The following AP3B1 variants were observed in gnomAD, a reference collection of about 807,000 sequenced individuals.
AP3B1 encodes AP-3 complex subunit beta-1.
In AP3B1, 61 loss-of-function variants were observed where a neutral mutation model predicts 132.5. The observed-to-expected ratio is 0.46, with a 90% CI of 0.37 to 0.57. The LOEUF is 0.57. Ranked by LOEUF, AP3B1 falls within the 20% of genes least tolerant of loss-of-function variation. The pLI is 0.00. For missense variants in AP3B1, 1,120 were observed against 1,289.4 expected (o/e 0.87, Z 2.01); for synonymous variants, 388 against 438.3 (o/e 0.89, Z 1.43).
At chr5:78,032,676 C>G (rs1247754839) in intron 24 of AP3B1, among the ~76,000 whole-genome samples, 1 of 151,594 alleles carries the variant, frequency 6.6e-6, no homozygotes, top group Non-Finnish European at 1.5e-5. Context: ...ACAAAGTGCT[C>G]TTTTTGGAAC....
chr5:78,051,158 TGA>T (rs1748565045), intron 22 of AP3B1, among the ~76,000 whole-genome samples: 1 of 152,140 alleles, frequency 6.6e-6, no homozygotes, highest in African/African-American at 2.4e-5. Context: ...AAGCGTGGAA[TGA>T]GAGTGCACAT....
intron 20 of AP3B1, 36 bp from the exon 21 acceptor site, chr5:78,101,061 C>A: frequency 7.6e-7 from 1 of 1,311,916 alleles, no homozygotes; most frequent in South Asian, 1.3e-5. Flanking sequence ...ATCACACGTT[C>A]TGTTTTAAAA....
intron 7 of AP3B1, among the ~76,000 whole-genome samples, chr5:78,209,494 C>A (rs1329224613): frequency 3.3e-5 from 5 of 152,114 alleles, no homozygotes; most frequent in African/African-American, 1.2e-4. Context: ...CCATCTATGA[C>A]CTAGAAGCCC....
At chr5:78,068,216 G>A (rs1030471323) in intron 22 of AP3B1, among the ~76,000 whole-genome samples, 14 of 152,056 alleles carry the variant, frequency 9.2e-5, no homozygotes, top group African/African-American at 4.8e-5. Flanking sequence ...CCCAGCTATC[G>A]GGACGCTAAG....
At chr5:78,220,072 T>G (rs1030306881) in intron 6 of AP3B1, among the ~76,000 whole-genome samples, 1 of 151,942 alleles carries the variant, frequency 6.6e-6, no homozygotes, top group Non-Finnish European at 1.5e-5. Flanking sequence ...AATTTGGTGG[T>G]GGGGGGCAGG....
At chr5:78,079,804 C>G (rs1749911631) in intron 22 of AP3B1, among the ~76,000 whole-genome samples, 3 of 152,170 alleles carry the variant, frequency 2.0e-5, no homozygotes, top group Admixed American at 6.5e-5. Flanking sequence ...CTTTAAAAAT[C>G]TGAATGACAA....
Position 78,022,588 on chromosome 5 carries a change from G to C in AP3B1, c.2895-1799C>G, listed in dbSNP as rs898065002. Reference sequence around the variant, plus strand: ...CTCTCTAAAGTGTCCTGATATGTGTGATAAAGCATATGGTTACTTTACTTA... The same window carrying C: ...CTCTCTAAAGTGTCCTGATATGTGTCATAAAGCATATGGTTACTTTACTTA... On this transcript the variant is annotated intron_variant, in intron 24 of 26. Coordinates refer to ENST00000255194, the MANE Select transcript of AP3B1 (RefSeq NM_003664.5). Among the ~76,000 whole-genome samples the C allele has an allele frequency of 2.6e-5, 4 of 152,166 alleles. No homozygotes were observed. In the East Asian group the frequency reaches 7.7e-4, roughly 29 times the overall value.
intron 7 of AP3B1, among the ~76,000 whole-genome samples, chr5:78,193,767 TATA>T (rs1464872755): frequency 0.014 from 1,613 of 115,850 alleles, 57 homozygotes; most frequent in African/African-American, 0.018. Context: ...TATATATATA[TATA>T]TTTTTTTTTT....
At chr5:78,183,741 C>T (rs1402271522) in intron 7 of AP3B1, among the ~76,000 whole-genome samples, 1 of 151,646 alleles carries the variant, frequency 6.6e-6, no homozygotes, top group African/African-American at 2.4e-5. Context: ...GTGGGGCACA[C>T]CTGTAATCCC....
chr5:78,145,086 G>A (rs1036842298), intron 14 of AP3B1, among the ~76,000 whole-genome samples: 5 of 152,120 alleles, frequency 3.3e-5, no homozygotes, highest in Non-Finnish European at 7.3e-5. Flanking sequence ...CTCACAATCA[G>A]AACATGTAAG....
intron 7 of AP3B1, among the ~76,000 whole-genome samples, chr5:78,209,200 T>A (rs933573619): frequency 6.6e-6 from 1 of 152,016 alleles, no homozygotes; most frequent in South Asian, 2.1e-4. Flanking sequence ...AAAAACTAGT[T>A]CAGACCATGA....
In AP3B1 at chr5:78,228,084, G is replaced by A. The variant is rs945495309; in HGVS notation, c.375+60C>T. 3 of 1,183,826 alleles carry A rather than the reference G, an allele frequency of 2.5e-6. No homozygotes were observed. In the Admixed American group the frequency reaches 6.7e-5, roughly 26 times the overall value. The allele number at this position is 1,183,826 out of a possible 1,614,324, so 73.3% of individuals were successfully genotyped here. A position where few individuals can be genotyped will look rare whatever the true frequency, so the allele number is the denominator to read the frequency against. On this transcript the variant is annotated intron_variant, in intron 4 of 26. Coordinates refer to ENST00000255194, the MANE Select transcript of AP3B1 (RefSeq NM_003664.5). ...GGATTATCGCTCCACTTCTTTAACT[G>A]ACACACTTTCAACTCTGCAGAAACC... is the stretch of plus-strand genomic sequence containing the variant.
chr5:78,294,490 G>C lies in AP3B1; in HGVS notation c.90C>G (p.Pro30=). Residue 30 remains proline (P), a synonymous_variant, in exon 1 of 27, where the codon CCC becomes CCG. Coordinates refer to ENST00000255194, the MANE Select transcript of AP3B1 (RefSeq NM_003664.5). The part of the protein sequence containing the change: ...LGQEATSTIS[P]SGAFGLFSSD... ...TGCTAAAGAGGCCGAAGGCCCCCGA[G>C]GGGGAAATGGTTGAGGTCGCCTCCT... is the stretch of plus-strand genomic sequence containing the variant. 6.2e-7 allele frequency: 1 copy of C among 1,614,228 alleles called. No homozygotes were observed. The highest frequency in any genetic ancestry group is 1.1e-5 in the South Asian group (1 of 91,086).
rs532137765 is a variant in AP3B1 at position 78,178,834 on chromosome 5, T to C, written c.943-1398A>G. 3.9e-5 allele frequency among the ~76,000 whole-genome samples: 6 copies of C among 152,154 alleles called. No individual in the cohort carries two copies. In the East Asian group the frequency reaches 1.2e-3, roughly 29 times the overall value. The stretch of plus-strand genomic sequence containing the variant: ...AGTTTGAACAAATATATAGCAAAAA[T>C]TCTATTAATATATATGCCTAAATAG... On this transcript the variant is annotated intron_variant, in intron 8 of 26. Coordinates refer to ENST00000255194, the MANE Select transcript of AP3B1 (RefSeq NM_003664.5).
chr5:78,039,027 G>A lies in AP3B1; in HGVS notation c.2809+16C>T, dbSNP rs951058281. ...ATCAAATATAGTTAAGGTTTTAAAT[G>A]AGAATTAATATTTACCTATTGGATT... On this transcript the variant is annotated intron_variant, in intron 23 of 26. Coordinates refer to ENST00000255194, the MANE Select transcript of AP3B1 (RefSeq NM_003664.5). 4.1e-5 allele frequency: 59 copies of A among 1,437,602 alleles called. No homozygotes were observed. The highest frequency in any genetic ancestry group is 5.7e-5 in the Non-Finnish European group (58 of 1,024,628). 89.1% of individuals were successfully genotyped at this position (1,437,602 alleles called of 1,614,324 possible). A position where few individuals can be genotyped will look rare whatever the true frequency, so the allele number is the denominator to read the frequency against.
chr5:78,181,919 C>A (rs1391511572), intron 7 of AP3B1, among the ~76,000 whole-genome samples: 1 of 152,046 alleles, frequency 6.6e-6, no homozygotes, highest in East Asian at 1.9e-4. Context: ...ACTATTAAAT[C>A]CCCATAGAAA....
At chr5:78,137,028 T>C (rs981694341) in intron 15 of AP3B1, among the ~76,000 whole-genome samples, 10 of 152,124 alleles carry the variant, frequency 6.6e-5, no homozygotes, top group African/African-American at 2.4e-4. Flanking sequence ...CCACCATCCA[T>C]CTCTAGAATT....
At chr5:78,226,083 G>A (rs6867823) in intron 5 of AP3B1, among the ~76,000 whole-genome samples, 50,703 of 151,712 alleles carry the variant, frequency 0.33, 8,572 homozygotes, top group Middle Eastern at 0.43. Context: ...ACTAAAACTA[G>A]GAAAAATAAG....
intron 7 of AP3B1, among the ~76,000 whole-genome samples, chr5:78,190,173 C>T (rs1009303839): frequency 1.3e-5 from 2 of 151,992 alleles, no homozygotes; most frequent in African/African-American, 2.4e-5. Context: ...GAACATGTTG[C>T]TTATAGCTAA....
Sources: allele counts gnomAD v4.1 joint callset (sites outside exome capture counted in the v4.1 genomes callset), GRCh38; gene constraint gnomAD v4.1.1; transcripts MANE v1.5; gene names NCBI Gene and HGNC (gene_info 2026-07-23, HGNC 2026-07-21).